WWOX: variants seen among roughly 807,000 people sequenced by gnomAD.
The protein encoded by WWOX is WW domain containing oxidoreductase, also known as WW domain-containing oxidoreductase.
A neutral mutation model predicts 46.2 loss-of-function variants in WWOX; 69 were observed. The observed-to-expected ratio is 1.49, with a 90% CI of 1.23 to 1.82. WWOX has a LOEUF of 1.82. Ranked by LOEUF, WWOX falls within the 40% of genes most tolerant of loss-of-function variation. The pLI is 0.00. For synonymous variants in WWOX, 359 were observed against 202.6 expected (o/e 1.77, Z -6.56); for missense variants, 919 against 542.6 (o/e 1.69, Z -6.89).
At chr16:78,186,886 T>G (rs1489381119) in intron 5 of WWOX, among the ~76,000 whole-genome samples, 1 of 152,150 alleles carries the variant, frequency 6.6e-6, no homozygotes, top group East Asian at 1.9e-4. Flanking sequence ...GCTTCCCCAG[T>G]GATAGTCACA....
intron 8 of WWOX, among the ~76,000 whole-genome samples, chr16:79,159,159 C>T (rs1203610731): frequency 3.9e-5 from 6 of 152,070 alleles, no homozygotes; most frequent in South Asian, 2.1e-4. Context: ...AATTTTATTT[C>T]GCTTTAACAA....
intron 5 of WWOX, among the ~76,000 whole-genome samples, chr16:78,379,650 G>C (rs1160177043): frequency 1.3e-5 from 2 of 152,194 alleles, no homozygotes; most frequent in African/African-American, 4.8e-5. Context: ...TGCTCCGTAA[G>C]ACCCAACATG....
At position 78,937,620 on chromosome 16, in the gene WWOX, T is replaced by C. The variant is rs868531962; in HGVS notation, c.1057-273988T>C. ...ATAGAGCTTTATTTATTTATTTATT[T>C]ATTTATTTATTTATTTATTTATGAG... is the stretch of plus-strand genomic sequence containing the variant. On this transcript the variant is annotated intron_variant, in intron 8 of 8. Coordinates refer to ENST00000566780, the MANE Select transcript of WWOX (RefSeq NM_016373.4). 2.1e-3 allele frequency among the ~76,000 whole-genome samples: 318 copies of C among 149,786 alleles called. 1 individual carries two copies. The highest frequency in any genetic ancestry group is 7.4e-3 in the African/African-American group (301 of 40,728).
At chr16:78,587,873 C>G (rs1249625710) in intron 8 of WWOX, among the ~76,000 whole-genome samples, 1 of 152,132 alleles carries the variant, frequency 6.6e-6, no homozygotes, top group African/African-American at 2.4e-5. Flanking sequence ...ATTAAGTTTC[C>G]TAAGTGACAT....
chr16:78,517,008 G>A (rs1048946980), intron 8 of WWOX, among the ~76,000 whole-genome samples: 4 of 152,118 alleles, frequency 2.6e-5, no homozygotes, highest in Non-Finnish European at 2.9e-5. Context: ...TGAATTTCAA[G>A]TGGTTTTAAT....
chr16:78,476,684 AGAG>A (rs2084356477), intron 8 of WWOX, among the ~76,000 whole-genome samples: 1 of 152,180 alleles, frequency 6.6e-6, no homozygotes, highest in Admixed American at 6.6e-5. Context: ...CCATGATCAC[AGAG>A]GATGAAAAGT....
intron 8 of WWOX, among the ~76,000 whole-genome samples, chr16:78,479,461 T>C (rs983684172): frequency 6.6e-6 from 1 of 152,224 alleles, no homozygotes; most frequent in Non-Finnish European, 1.5e-5. Context: ...ACTTTATGAT[T>C]TACCAAGTAA....
chr16:78,855,039 A>T (rs908618712), intron 8 of WWOX, among the ~76,000 whole-genome samples: 2 of 152,112 alleles, frequency 1.3e-5, no homozygotes, highest in Admixed American at 1.3e-4. Context: ...TAAATAAGTC[A>T]GGACTATGAT....
rs541646749 is a variant in WWOX, at chr16:79,011,933, C to T, written c.1057-199675C>T. 6.9e-4 allele frequency among the ~76,000 whole-genome samples: 105 copies of T among 152,338 alleles called. 1 individual carries two copies. The highest frequency in any genetic ancestry group is 2.4e-3 in the African/African-American group (100 of 41,576). ...CCTCCTGAGTCACTGGAATTTCAGG[C>T]ATGAGCCACTGTGCCTGGCCTCTGT... On this transcript the variant is annotated intron_variant, in intron 8 of 8. Coordinates refer to ENST00000566780, the MANE Select transcript of WWOX (RefSeq NM_016373.4).
At chr16:78,485,957 A>T (rs1023389336) in intron 8 of WWOX, among the ~76,000 whole-genome samples, 8 of 152,318 alleles carry the variant, frequency 5.3e-5, no homozygotes, top group African/African-American at 1.4e-4. Context: ...TATTGTACAG[A>T]TTTATTAAAT....
chr16:79,009,986 A>G (rs2047270978), intron 8 of WWOX, among the ~76,000 whole-genome samples: 1 of 152,184 alleles, frequency 6.6e-6, no homozygotes, highest in African/African-American at 2.4e-5. Flanking sequence ...GAACCTCAGT[A>G]TCCTAGGACT....
chr16:79,135,422 A>G (rs907437305), intron 8 of WWOX, among the ~76,000 whole-genome samples: 3 of 152,318 alleles, frequency 2.0e-5, no homozygotes, highest in African/African-American at 7.2e-5. Flanking sequence ...TGTCTTCACC[A>G]TCATTTACTT....
intron 5 of WWOX, chr16:78,264,993 CTTTCTTTCT>C (rs1367470860): frequency 1.6e-5 from 1 of 64,330 alleles, no homozygotes; most frequent in Non-Finnish European, 2.8e-5. Context: ...CCCTTTCTTT[CTTTCTTTCT>C]TTTTTTTTTT....
At chr16:78,120,568 C>G (rs1407128629) in intron 4 of WWOX, among the ~76,000 whole-genome samples, 2 of 146,462 alleles carry the variant, frequency 1.4e-5, no homozygotes, top group Non-Finnish European at 3.0e-5. Flanking sequence ...CAGAGCGAGA[C>G]TCCGTCTCAA....
chr16:78,321,348 ACGTATATATG>A (rs1233653224), intron 5 of WWOX, among the ~76,000 whole-genome samples: 1 of 51,796 alleles, frequency 1.9e-5, no homozygotes, highest in African/African-American at 1.1e-4. Context: ...GTATATATAT[ACGTATATATG>A]CGTATATATA....
chr16:79,032,090 A>G (rs1048506601), intron 8 of WWOX, among the ~76,000 whole-genome samples: 50 of 144,564 alleles, frequency 3.5e-4, no homozygotes, highest in African/African-American at 1.2e-3. Context: ...TAAAATATAT[A>G]TTATGTATAG....
chr16:78,994,488 C>T (rs2046948986), intron 8 of WWOX: 2 of 152,290 alleles, frequency 1.3e-5, no homozygotes, highest in South Asian at 2.1e-4. Flanking sequence ...GACTCCGGCA[C>T]CGAGGTACTT....
At chr16:78,211,411 C>G (rs116215015) in intron 5 of WWOX, among the ~76,000 whole-genome samples, 4 of 152,092 alleles carry the variant, frequency 2.6e-5, no homozygotes, top group Admixed American at 6.6e-5. Context: ...CTGATCTTGT[C>G]AGGTTCTTGG....
intron 8 of WWOX, among the ~76,000 whole-genome samples, chr16:78,600,854 G>C (rs192811463): frequency 6.6e-6 from 1 of 152,098 alleles, no homozygotes; most frequent in East Asian, 1.9e-4. Flanking sequence ...GGTGACTCAC[G>C]CCTAGAATCC....
Sources: gnomAD v4.1 joint callset for allele counts (sites outside exome capture counted in the v4.1 genomes callset) on GRCh38, gnomAD v4.1.1 for gene constraint, MANE v1.5 for transcripts, NCBI Gene and HGNC (gene_info 2026-07-23, HGNC 2026-07-21) for gene names.